VPS13C: variants seen among roughly 807,000 people sequenced by gnomAD.
VPS13C encodes the protein intermembrane lipid transfer protein VPS13C.
In VPS13C, 358 loss-of-function variants were observed where a neutral mutation model predicts 456.8. That is an observed-to-expected ratio of 0.78 (90% confidence interval 0.72 to 0.86). The LOEUF (loss-of-function observed/expected upper bound fraction) is 0.86, where lower values mean the gene tolerates loss of function less well. VPS13C is among the 40% of genes least tolerant of loss of function. The pLI is 0.00. For missense variants in VPS13C, 4,818 were observed against 4,385.4 expected (o/e 1.10, Z -2.79); for synonymous variants, 1,578 against 1,486.7 (o/e 1.06, Z -1.41).
intron 67 of VPS13C, among the ~76,000 whole-genome samples, chr15:61,889,097 T>TA (rs1171711451): frequency 1.3e-5 from 2 of 152,054 alleles, no homozygotes; most frequent in Non-Finnish European, 2.9e-5. Flanking sequence ...TACCATGTCA[T>TA]AAAAAAGGTA....
At position 62,010,468 on chromosome 15, in the gene VPS13C, A is replaced by G. The variant is rs1338152474; in HGVS notation, c.1011+4T>C. On this transcript the variant is annotated splice_donor_region_variant and intron_variant, in intron 13 of 84. Transcript: ENST00000644861. ...AAAGCTGGAAATATCCACATGAATCATACCTGAGGTTTGGTCAGTTCAATG... is the reference window on the plus strand; with the variant it reads ...AAAGCTGGAAATATCCACATGAATCGTACCTGAGGTTTGGTCAGTTCAATG... 9.4e-6 allele frequency: 15 copies of G among 1,595,624 alleles called. No homozygotes were observed. In the African/African-American group the frequency reaches 1.6e-4, roughly 17 times the overall value.
intron 77 of VPS13C, among the ~76,000 whole-genome samples, chr15:61,873,793 C>T (rs150184711): frequency 9.4e-4 from 143 of 152,080 alleles, no homozygotes; most frequent in African/African-American, 3.4e-3. Flanking sequence ...CTAGAACTAC[C>T]GTATGATCCA....
rs889567404 is a variant in VPS13C, at chr15:61,967,288, G to A, written c.2991+80C>T. The A allele has an allele frequency of 4.1e-6, 5 of 1,210,954 alleles. No homozygotes were observed. In the Admixed American group the frequency reaches 8.3e-5, roughly 20 times the overall value. The allele number at this position is 1,210,954 out of a possible 1,614,324, so 75.0% of individuals were successfully genotyped here. A position where few individuals can be genotyped will look rare whatever the true frequency, so the allele number is the denominator to read the frequency against. On this transcript the variant is annotated intron_variant, in intron 29 of 84. Transcript: ENST00000644861. ...CTGTGATACACATCCAGAGCCATTA[G>A]TAACTTACTGTCATATTCTTCCTTC...
At chr15:61,877,448 A>T (rs1484990193) in intron 74 of VPS13C, among the ~76,000 whole-genome samples, 1 of 151,566 alleles carries the variant, frequency 6.6e-6, no homozygotes, top group Non-Finnish European at 1.5e-5. Flanking sequence ...TGACATAACC[A>T]TTTTTAACGG....
chr15:62,052,545 T>C (rs1166015103), intron 1 of VPS13C, among the ~76,000 whole-genome samples: 1 of 151,320 alleles, frequency 6.6e-6, no homozygotes. Context: ...TGGTGGCGGG[T>C]GCCTGTAGTC....
chr15:61,971,150 G>A (rs984763504), intron 27 of VPS13C, among the ~76,000 whole-genome samples: 2 of 152,322 alleles, frequency 1.3e-5, no homozygotes, highest in East Asian at 3.9e-4. Flanking sequence ...CAAATGTAAG[G>A]CCTTGTAGGC....
At chr15:61,947,150 T>C (rs1243732811) in intron 43 of VPS13C, 43 bp downstream of exon 43, 2 of 1,291,812 alleles carry the variant, frequency 1.5e-6, no homozygotes, top group Non-Finnish European at 1.1e-6. Flanking sequence ...TTCCTAGTTA[T>C]GTAAAGAAAC....
chr15:61,997,952 T>C (rs901710300), intron 16 of VPS13C, among the ~76,000 whole-genome samples: 2 of 152,074 alleles, frequency 1.3e-5, no homozygotes, highest in Non-Finnish European at 2.9e-5. Context: ...CAATTCAGAG[T>C]AAGAGCCAAA....
chr15:61,943,593 T>C (rs2044504125), intron 45 of VPS13C, among the ~76,000 whole-genome samples: 1 of 152,080 alleles, frequency 6.6e-6, no homozygotes, highest in African/African-American at 2.4e-5. Flanking sequence ...AACGTTTTAT[T>C]CTATGGTGAA....
intron 34 of VPS13C, 139 bp from the exon 35 acceptor site, chr15:61,962,032 A>G: frequency 1.0e-6 from 1 of 981,902 alleles, no homozygotes; most frequent in South Asian, 1.8e-5. Context: ...TTCTAGCAGT[A>G]TTAAGAAATT....
rs143548126 is a variant in VPS13C at position 61,878,687 on chromosome 15, T to C, written c.10062A>G (p.Glu3354=). 187 of 1,611,496 alleles carry C rather than the reference T, an allele frequency of 1.2e-4. No homozygotes were observed. The highest frequency in any genetic ancestry group is 1.5e-4 in the Non-Finnish European group (175 of 1,178,794). The change falls in exon 74 of 85, where the codon GAA becomes GAG. Residue 3354 remains glutamate (E), a synonymous_variant. Coordinates refer to ENST00000644861, the MANE Select transcript of VPS13C (RefSeq NM_020821.3). ...AGTTGACAGAATGAACTGCAAACAT[T>C]TCCTGTTTTTCTTTGTCTGATTCTT... The part of the protein sequence containing the change: ...GGEESDKEKQ[E]MFAVHSVNLL...
chr15:62,052,554 T>C (rs1444323557), intron 1 of VPS13C, among the ~76,000 whole-genome samples: 2 of 151,158 alleles, frequency 1.3e-5, no homozygotes, highest in Non-Finnish European at 2.9e-5. Context: ...GTGCCTGTAG[T>C]CCTAGCTACT....
chr15:61,888,681 G>A (rs1896447743), intron 67 of VPS13C, among the ~76,000 whole-genome samples: 1 of 152,126 alleles, frequency 6.6e-6, no homozygotes, highest in Non-Finnish European at 1.5e-5. Context: ...AAGAACAGCG[G>A]TTTCCAAAGG....
rs2043228037 is a variant in VPS13C, at chr15:61,909,133, AG to A, written c.8845-9del. 5 of 1,586,202 alleles carry A rather than the reference AG, an allele frequency of 3.2e-6. No homozygotes were observed. The Admixed American group carries it at 5.3e-5, about 17-fold the overall frequency. ...CACCAAGATACCCCCATTCTATTGT[AG>A]AAAAAAAAAAAGTATGTTTGATGTA... On this transcript the variant is annotated splice_polypyrimidine_tract_variant and intron_variant, in intron 64 of 84. Transcript: ENST00000644861.
intron 71 of VPS13C, 28 bp from the exon 72 acceptor site, chr15:61,880,982 G>A (rs1895806709): frequency 6.6e-7 from 1 of 1,525,058 alleles, no homozygotes; most frequent in African/African-American, 1.4e-5. Context: ...AAATGGAAAA[G>A]GATTTCTACC....
At chr15:62,045,247 G>A (rs901582735) in intron 1 of VPS13C, among the ~76,000 whole-genome samples, 3 of 150,468 alleles carry the variant, frequency 2.0e-5, no homozygotes, top group African/African-American at 7.3e-5. Flanking sequence ...AGAGGGGACT[G>A]TGCAAAAGTA....
intron 47 of VPS13C, among the ~76,000 whole-genome samples, chr15:61,938,692 C>G (rs1018090738): frequency 5.9e-5 from 9 of 152,112 alleles, no homozygotes; most frequent in African/African-American, 2.2e-4. Context: ...ACAGAGAATA[C>G]TATAATCTTC....
chr15:61,958,650 T>G lies in VPS13C; in HGVS notation c.4123A>C (p.Thr1375Pro). ...RILTENLCEGTEDLDKVKPRV... is the reference protein window; with the variant it reads ...RILTENLCEGPEDLDKVKPRV... ...GGTTTCACTTTATCCAAGTCTTCAG[T>G]ACCCTCACAGAGATTTTCTGTTAGT... Residue 1375 changes from threonine (T) to proline (P), a missense_variant, in exon 37 of 85, where the codon ACT (threonine) becomes CCT (proline). Physicochemically the swap from Thr to Pro is conservative, Grantham distance 38 (BLOSUM62 -1). Transcript: ENST00000644861. 2 of 1,577,814 alleles carry G rather than the reference T, an allele frequency of 1.3e-6. No homozygotes were observed. Among genetic ancestry groups the G allele is most frequent in the Non-Finnish European group, 1.7e-6 (2 of 1,166,558 alleles).
At chr15:61,869,321 T>C (rs995014372) in intron 80 of VPS13C, among the ~76,000 whole-genome samples, 179 bp downstream of exon 80, 1 of 152,142 alleles carries the variant, frequency 6.6e-6, no homozygotes, top group Admixed American at 6.5e-5. Context: ...TTTCACCATG[T>C]TCGCAAAATA....
Sources: gnomAD v4.1 joint callset for allele counts (sites outside exome capture counted in the v4.1 genomes callset) on GRCh38, gnomAD v4.1.1 for gene constraint, MANE v1.5 for transcripts, NCBI Gene and HGNC (gene_info 2026-07-23, HGNC 2026-07-21) for gene names.